Variants in FEM1B observed in about 807,000 individuals in gnomAD.
FEM1B encodes protein fem-1 homolog B.
In FEM1B, 10 loss-of-function variants were observed where a neutral mutation model predicts 38.6. That is an observed-to-expected ratio of 0.26 (90% CI 0.16 to 0.44). FEM1B has a LOEUF of 0.44. Among genes scored for constraint, FEM1B ranks in the 20% least tolerant of loss-of-function variants. The pLI is 1.00. For missense variants in FEM1B, 471 were observed against 786.7 expected (o/e 0.60, Z 4.80); for synonymous variants, 288 against 288.0 (o/e 1.00, Z 0.00).
rs57074540 is a variant in FEM1B, at chr15:68,289,528, G to A, written c.249-79G>A. On this transcript the variant is annotated intron_variant, in intron 1 of 1. Coordinates refer to ENST00000306917, the MANE Select transcript of FEM1B (RefSeq NM_015322.5). The surrounding 1 kb of genome is among the most constrained non-coding windows in gnomAD (Gnocchi z 6.9). ...TGTTCTGGAGAGTGAGGTCTTGGTC[G>A]GTGGGAGTGAATACATCCCTTAAAC... The A allele has an allele frequency of 9.4e-4, 901 of 955,486 alleles. 2 individuals are homozygous for A. The African/African-American group carries it at 0.012, about 12-fold the overall frequency. The allele number at this position is 955,486 out of a possible 1,614,324, so 59.2% of individuals were successfully genotyped here. A position where few individuals can be genotyped will look rare whatever the true frequency, so the allele number is the denominator to read the frequency against.
chr15:68,291,032 C>T lies in FEM1B; in HGVS notation c.1674C>T (p.Ser558=). 1 of 1,614,074 alleles carries T rather than the reference C, an allele frequency of 6.2e-7. No homozygotes were observed. The highest frequency in any genetic ancestry group is 8.5e-7 in the Non-Finnish European group (1 of 1,179,982). ...DFLTLHSIII[S]LVEAGAHTDM... Reference sequence around the variant, plus strand: ...TGACCTTGCACTCCATCATCATTAGCCTAGTTGAAGCCGGAGCTCACACTG... The same window carrying T: ...TGACCTTGCACTCCATCATCATTAGTCTAGTTGAAGCCGGAGCTCACACTG... The change falls in exon 2 of 2, where the codon AGC becomes AGT. Residue 558 remains serine (S), a synonymous_variant. Coordinates refer to ENST00000306917, the MANE Select transcript of FEM1B (RefSeq NM_015322.5). This position sits in a 1 kb window ranked among gnomAD's most constrained non-coding sequence, Gnocchi z 6.9.
intron 1 of FEM1B, among the ~76,000 whole-genome samples, chr15:68,283,502 TAAA>T (rs60432847): frequency 5.6e-5 from 4 of 71,982 alleles, no homozygotes; most frequent in African/African-American, 1.9e-4. Flanking sequence ...CATCTCTACC[TAAA>T]AAAAAAAAAA....
chr15:68,287,309 A>G (rs1394761186), intron 1 of FEM1B, among the ~76,000 whole-genome samples: 3 of 152,236 alleles, frequency 2.0e-5, no homozygotes, highest in African/African-American at 7.2e-5. Flanking sequence ...ATACAGTAAA[A>G]TGCAGAGGTC....
Position 68,290,574 on chromosome 15 carries a change from G to T in FEM1B, c.1216G>T (p.Asp406Tyr). Residue 406 changes from aspartate (D) to tyrosine (Y), a missense_variant, in exon 2 of 2, where the codon GAC (aspartate) becomes TAC (tyrosine). This residue lies in a region of FEM1B where 380 missense variants were observed against 599.6 expected (regional missense o/e 0.63). Coordinates refer to ENST00000306917, the MANE Select transcript of FEM1B (RefSeq NM_015322.5). The surrounding 1 kb of genome is among the most constrained non-coding windows in gnomAD (Gnocchi z 9.7). ...TTTGAATGAAACTGTGAAGGCCCCA[G>T]ACATAGAATGTGTTTTGAGATGCAG... ...IHLNETVKAPDIECVLRCSVL... is the reference protein window; with the variant it reads ...IHLNETVKAPYIECVLRCSVL... 2 of 1,614,202 alleles carry T rather than the reference G, an allele frequency of 1.2e-6. No homozygotes were observed. Among genetic ancestry groups the T allele is most frequent in the Non-Finnish European group, 1.7e-6 (2 of 1,180,030 alleles).
In FEM1B at chr15:68,294,618, G is replaced by T. The variant is rs186380567; in HGVS notation, c.*3376G>T. 14 of 151,900 alleles carry T rather than the reference G, an allele frequency of 9.2e-5. No individual in the cohort carries two copies. Among genetic ancestry groups the T allele is most frequent in the African/African-American group, 3.4e-4 (14 of 41,428 alleles). 9.4% of individuals were successfully genotyped at this position (151,900 alleles called of 1,614,324 possible). A position where few individuals can be genotyped will look rare whatever the true frequency, so the allele number is the denominator to read the frequency against. On this transcript the variant is annotated 3_prime_UTR_variant, in exon 2 of 2. Transcript: ENST00000306917. The surrounding 1 kb of genome is among the most constrained non-coding windows in gnomAD (Gnocchi z 4.4). The stretch of plus-strand genomic sequence containing the variant: ...TTTTTTTTTTGGAATGGGGTGGGAT[G>T]AGGAGTGAGTTGCCAGACCTTTGAT...
Position 68,278,704 on chromosome 15 carries a change from G to A in FEM1B, c.248+39G>A, listed in dbSNP as rs1429854529. On this transcript the variant is annotated intron_variant, in intron 1 of 1. Coordinates refer to ENST00000306917, the MANE Select transcript of FEM1B (RefSeq NM_015322.5). The surrounding 1 kb of genome is among the most constrained non-coding windows in gnomAD (Gnocchi z 5.7). ...AAGCCAGCCTCTCTCCGACGCGCGC[G>A]GACTCGTTAATTCACGGGCCCTCCC... is the stretch of plus-strand genomic sequence containing the variant. 4 of 1,609,294 alleles carry A rather than the reference G, an allele frequency of 2.5e-6. No homozygotes were observed. In the African/African-American group the frequency reaches 4.0e-5, roughly 16 times the overall value.
In FEM1B at chr15:68,289,971, G is replaced by T. The variant is rs1892828525; in HGVS notation, c.613G>T (p.Glu205Ter). ...AEAGHIDIVK[E>*]LIKWRAAIVV... ...AGCTGGGCACATAGATATTGTGAAA[G>T]AGCTGATAAAATGGCGTGCTGCTAT... Residue 205 changes from glutamate (E) to a stop codon, truncating the protein, a stop_gained, in exon 2 of 2, where the codon GAG becomes TAG. Transcript: ENST00000306917. LOFTEE classifies it high-confidence loss of function. The surrounding 1 kb of genome is among the most constrained non-coding windows in gnomAD (Gnocchi z 6.9). 1 of 1,614,096 alleles carries T rather than the reference G, an allele frequency of 6.2e-7. No individual in the cohort carries two copies.
rs772972196 is a variant in FEM1B, at chr15:68,291,019, C to G, written c.1661C>G (p.Ser554Cys). 8 of 1,613,956 alleles carry G rather than the reference C, an allele frequency of 5.0e-6. No homozygotes were observed. In the South Asian group the frequency reaches 8.8e-5, roughly 18 times the overall value. Residue 554 changes from serine (S) to cysteine (C), a missense_variant, in exon 2 of 2, where the codon TCC becomes TGC. Ser to Cys is a moderately radical substitution (Grantham distance 112). This residue lies in a region of FEM1B where 380 missense variants were observed against 599.6 expected (regional missense o/e 0.63). Transcript: ENST00000306917. This position sits in a 1 kb window ranked among gnomAD's most constrained non-coding sequence, Gnocchi z 6.9. Reference sequence around the variant, plus strand: ...ATCAGTGATTTTTTGACCTTGCACTCCATCATCATTAGCCTAGTTGAAGCC... The same window carrying G: ...ATCAGTGATTTTTTGACCTTGCACTGCATCATCATTAGCCTAGTTGAAGCC... The part of the protein sequence containing the change: ...RPISDFLTLH[S>C]IIISLVEAGA...
intron 1 of FEM1B, among the ~76,000 whole-genome samples, chr15:68,285,840 C>T (rs909074759): frequency 5.9e-5 from 9 of 151,470 alleles, no homozygotes; most frequent in African/African-American, 1.9e-4. Flanking sequence ...GCCACTTAAT[C>T]GCTTTGTTTA....
rs1369091593 is a variant in FEM1B at position 68,281,179 on chromosome 15, G to C, written c.248+2514G>C. On this transcript the variant is annotated intron_variant, in intron 1 of 1. Transcript: ENST00000306917. This position sits in a 1 kb window ranked among gnomAD's most constrained non-coding sequence, Gnocchi z 5.1. Reference sequence around the variant, plus strand: ...CAATAGAAAGCTGACTTGACCCTTGGGGGCTGACCTTTGAAAAACACATAG... The same window carrying C: ...CAATAGAAAGCTGACTTGACCCTTGCGGGCTGACCTTTGAAAAACACATAG... Among the ~76,000 whole-genome samples the C allele has an allele frequency of 6.6e-6, 1 of 152,162 alleles. No homozygotes were observed. The highest frequency in any genetic ancestry group is 6.5e-5 in the Admixed American group (1 of 15,274).
At position 68,288,286 on chromosome 15, in the gene FEM1B, A is replaced by G. The variant is rs148249211; in HGVS notation, c.249-1321A>G. ...TTCAAACTATAGCACCAGGAGCATT[A>G]TTCTCTTTTCCACTTCATGGGGGAT... On this transcript the variant is annotated intron_variant, in intron 1 of 1. Coordinates refer to ENST00000306917, the MANE Select transcript of FEM1B (RefSeq NM_015322.5). This position sits in a 1 kb window ranked among gnomAD's most constrained non-coding sequence, Gnocchi z 4.6. 6.6e-6 allele frequency among the ~76,000 whole-genome samples: 1 copy of G among 152,334 alleles called. No homozygotes were observed. Among genetic ancestry groups the G allele is most frequent in the East Asian group, 1.9e-4 (1 of 5,186 alleles).
intron 1 of FEM1B, among the ~76,000 whole-genome samples, chr15:68,283,531 A>G (rs888131781): frequency 1.4e-5 from 2 of 140,034 alleles, no homozygotes; most frequent in Admixed American, 1.4e-4. Flanking sequence ...AAAAAAAAAA[A>G]AGGTAGTATG....
At position 68,288,275 on chromosome 15, in the gene FEM1B, C is replaced by G. The variant is rs376014855; in HGVS notation, c.249-1332C>G. Among the ~76,000 whole-genome samples, 1 of 152,198 alleles carries G rather than the reference C, an allele frequency of 6.6e-6. No homozygotes were observed. Among genetic ancestry groups the G allele is most frequent in the East Asian group, 1.9e-4 (1 of 5,196 alleles). ...GTGGGAACACATTCAAACTATAGCA[C>G]CAGGAGCATTATTCTCTTTTCCACT... On this transcript the variant is annotated intron_variant, in intron 1 of 1. Transcript: ENST00000306917. This position sits in a 1 kb window ranked among gnomAD's most constrained non-coding sequence, Gnocchi z 4.6.
In FEM1B at chr15:68,292,436, A is replaced by G. The variant is rs1407503848; in HGVS notation, c.*1194A>G. The G allele has an allele frequency of 6.6e-6, 1 of 152,160 alleles. No homozygotes were observed. The highest frequency in any genetic ancestry group is 2.4e-5 in the African/African-American group (1 of 41,446). The allele number at this position is 152,160 out of a possible 1,614,324, so 9.4% of individuals were successfully genotyped here. On this transcript the variant is annotated 3_prime_UTR_variant, in exon 2 of 2. Coordinates refer to ENST00000306917, the MANE Select transcript of FEM1B (RefSeq NM_015322.5). ...TTTTTTGTTTTGTTTTAATGGCAAC[A>G]TTGTAACTGTCAAACTAAAAGGGTA...
chr15:68,278,400 T>C lies in FEM1B; in HGVS notation c.-18T>C, dbSNP rs556864855. The C allele has an allele frequency of 6.2e-7, 1 of 1,605,066 alleles. No individual in the cohort carries two copies. The highest frequency in any genetic ancestry group is 1.1e-5 in the South Asian group (1 of 90,238). ...TGCAGCGGTGGCGACCAAACGGGTG[T>C]TGGAGTTGGCGGCGGCCATGGAGGG... On this transcript the variant is annotated 5_prime_UTR_variant, in exon 1 of 2. Transcript: ENST00000306917. The surrounding 1 kb of genome is among the most constrained non-coding windows in gnomAD (Gnocchi z 5.7).
rs1226269420 is a variant in FEM1B at position 68,289,539 on chromosome 15, A to G, written c.249-68A>G. ...GTGAGGTCTTGGTCGGTGGGAGTGA[A>G]TACATCCCTTAAACATATGTTAGGC... is the stretch of plus-strand genomic sequence containing the variant. On this transcript the variant is annotated intron_variant, in intron 1 of 1. Coordinates refer to ENST00000306917, the MANE Select transcript of FEM1B (RefSeq NM_015322.5). The surrounding 1 kb of genome is among the most constrained non-coding windows in gnomAD (Gnocchi z 6.9). 8.7e-7 allele frequency: 1 copy of G among 1,144,000 alleles called. No individual in the cohort carries two copies. The highest frequency in any genetic ancestry group is 1.3e-6 in the Non-Finnish European group (1 of 777,042). 70.9% of individuals were successfully genotyped at this position (1,144,000 alleles called of 1,614,324 possible). A position where few individuals can be genotyped will look rare whatever the true frequency, so the allele number is the denominator to read the frequency against.
Position 68,281,154 on chromosome 15 carries a change from C to T in FEM1B, c.248+2489C>T, listed in dbSNP as rs1256500649. Among the ~76,000 whole-genome samples, 1 of 152,164 alleles carries T rather than the reference C, an allele frequency of 6.6e-6. No homozygotes were observed. Among genetic ancestry groups the T allele is most frequent in the Non-Finnish European group, 1.5e-5 (1 of 68,032 alleles). On this transcript the variant is annotated intron_variant, in intron 1 of 1. Transcript: ENST00000306917. The surrounding 1 kb of genome is among the most constrained non-coding windows in gnomAD (Gnocchi z 5.1). ...GAAAATGTTAGCCTGAGTACATTAACAATAGAAAGCTGACTTGACCCTTGG... is the reference window on the plus strand; with the variant it reads ...GAAAATGTTAGCCTGAGTACATTAATAATAGAAAGCTGACTTGACCCTTGG...
rs367982979 is a variant in FEM1B at position 68,289,513 on chromosome 15, A to G, written c.249-94A>G. ...CTGATGTTTTATTAATGTTCTGGAG[A>G]GTGAGGTCTTGGTCGGTGGGAGTGA... On this transcript the variant is annotated intron_variant, in intron 1 of 1. Transcript: ENST00000306917. This position sits in a 1 kb window ranked among gnomAD's most constrained non-coding sequence, Gnocchi z 6.9. 18 of 788,424 alleles carry G rather than the reference A, an allele frequency of 2.3e-5. No individual in the cohort carries two copies. The African/African-American group carries it at 2.4e-4, about 11-fold the overall frequency. 48.8% of individuals were successfully genotyped at this position (788,424 alleles called of 1,614,324 possible).
rs1297021776 is a variant in FEM1B, at chr15:68,294,212, GCTTTTTCAGTCCACC to G, written c.*2973_*2987del. ...CATTAGAACTGACACTGAAAACATAGCTTTTTCAGTCCACCCTGGTTGCTCTAGTAGCCCACAGCC... is the reference window on the plus strand; with the variant it reads ...CATTAGAACTGACACTGAAAACATAGCTGGTTGCTCTAGTAGCCCACAGCC... On this transcript the variant is annotated 3_prime_UTR_variant, in exon 2 of 2. Transcript: ENST00000306917. The surrounding 1 kb of genome is among the most constrained non-coding windows in gnomAD (Gnocchi z 4.4). 1 of 152,132 alleles carries G rather than the reference GCTTTTTCAGTCCACC, an allele frequency of 6.6e-6. No individual in the cohort carries two copies. The highest frequency in any genetic ancestry group is 1.5e-5 in the Non-Finnish European group (1 of 68,000). 9.4% of individuals were successfully genotyped at this position (152,132 alleles called of 1,614,324 possible).
Sources: allele counts gnomAD v4.1 joint callset (sites outside exome capture counted in the v4.1 genomes callset), GRCh38; gene constraint gnomAD v4.1.1; regional missense constraint gnomAD v4.1.1; non-coding constraint Gnocchi (gnomAD v3.1); transcripts MANE v1.5; gene names NCBI Gene and HGNC (gene_info 2026-07-23, HGNC 2026-07-21).